TUSC3: variants seen among roughly 807,000 people sequenced by gnomAD.
The protein encoded by TUSC3 is tumor suppressor candidate 3.
In TUSC3, 45 loss-of-function variants were observed where a neutral mutation model predicts 44.8. That is an observed-to-expected ratio of 1.00 (90% CI 0.79 to 1.29). TUSC3 has a LOEUF of 1.29. Among genes scored for constraint, TUSC3 ranks in the 50% most tolerant of loss-of-function variants. The pLI, the probability that TUSC3 is intolerant of heterozygous loss-of-function variation, is 0.00. For synonymous variants in TUSC3, 212 were observed against 152.9 expected (o/e 1.39, Z -2.85); for missense variants, 519 against 437.9 (o/e 1.19, Z -1.65).
At position 15,442,690 on chromosome 8, in the gene TUSC3, C is replaced by G. The variant is rs891094297; in HGVS notation, n.91+25385C>G. Among the ~76,000 whole-genome samples, 19 of 152,260 alleles carry G rather than the reference C, an allele frequency of 1.2e-4. 1 individual carries two copies. In the East Asian group the frequency reaches 3.7e-3, roughly 30 times the overall value. On this transcript the variant is annotated intron_variant and non_coding_transcript_variant, in intron 1 of 5. Coordinates refer to the TUSC3 transcript ENST00000503191. ...TAATGACATTCATTCCTTCTAGATT[C>G]TGTCATCAGGATAGGAAGACAGAAT...
intron 1 of TUSC3, among the ~76,000 whole-genome samples, chr8:15,583,338 A>C (rs1257511707): frequency 6.6e-6 from 1 of 152,218 alleles, no homozygotes; most frequent in East Asian, 1.9e-4. Context: ...ATGCGGAACT[A>C]ATAAAACTCA....
chr8:15,471,774 C>T (rs146461751), intron 1 of TUSC3, among the ~76,000 whole-genome samples: 240 of 152,126 alleles, frequency 1.6e-3, no homozygotes, highest in African/African-American at 5.4e-3. Flanking sequence ...CTCACCAACA[C>T]GTCCAGCTAA....
chr8:15,576,467 C>T (rs193074714), intron 1 of TUSC3, among the ~76,000 whole-genome samples: 12,805 of 114,872 alleles, frequency 0.11, 727 homozygotes, highest in African/African-American at 0.17. Flanking sequence ...CCCCCTCCCC[C>T]CACCCCACCA....
chr8:15,466,600 G>A (rs1045657939), intron 1 of TUSC3, among the ~76,000 whole-genome samples: 2 of 152,080 alleles, frequency 1.3e-5, no homozygotes. Flanking sequence ...GAGACATTCA[G>A]TCTTGTCTTA....
At chr8:15,823,709 A>G in the TUSC3 span, among the ~76,000 whole-genome samples, 2 of 152,228 alleles carry the variant, frequency 1.3e-5, no homozygotes, top group Admixed American at 6.5e-5. Context: ...TGTTATTTAC[A>G]AAGGAGTTAT....
At chr8:15,664,696 G>C (rs1180433275) in intron 5 of TUSC3, among the ~76,000 whole-genome samples, 1 of 149,460 alleles carries the variant, frequency 6.7e-6, no homozygotes, top group Non-Finnish European at 1.5e-5. Flanking sequence ...ATACTTTTCT[G>C]CATCTCTTGC....
intron 1 of TUSC3, among the ~76,000 whole-genome samples, chr8:15,451,611 A>T (rs1002583834): frequency 6.6e-6 from 1 of 152,272 alleles, no homozygotes; most frequent in Admixed American, 6.5e-5. Flanking sequence ...CATCTCTTCC[A>T]TCTAGTTGTT....
chr8:15,745,763 T>C (rs1811388757), intron 8 of TUSC3, among the ~76,000 whole-genome samples: 2 of 151,920 alleles, frequency 1.3e-5, no homozygotes, highest in South Asian at 4.1e-4. Context: ...CTCTGTCTTG[T>C]TGTTTTGCGG....
intron 6 of TUSC3, among the ~76,000 whole-genome samples, chr8:15,715,585 T>G (rs1267858526): frequency 6.6e-6 from 1 of 152,146 alleles, no homozygotes; most frequent in Non-Finnish European, 1.5e-5. Flanking sequence ...ATTGTTTACT[T>G]CTGGAATTTT....
chr8:15,532,005 A>G (rs1458055047), intron 2 of TUSC3, among the ~76,000 whole-genome samples: 1 of 152,198 alleles, frequency 6.6e-6, no homozygotes, highest in Admixed American at 6.5e-5. Context: ...TCAGGGTTCA[A>G]TAATCCCTGG....
intron 1 of TUSC3, among the ~76,000 whole-genome samples, chr8:15,581,577 G>C (rs1401014803): frequency 1.3e-5 from 2 of 148,950 alleles, no homozygotes; most frequent in East Asian, 2.0e-4. Context: ...ATACCCTGCA[G>C]TGTGAGGTGT....
chr8:15,734,515 A>G (rs1039793096), intron 7 of TUSC3, among the ~76,000 whole-genome samples: 1 of 152,184 alleles, frequency 6.6e-6, no homozygotes, highest in South Asian at 2.1e-4. Flanking sequence ...ATAGGGCTTT[A>G]TATTTTTGCA....
At chr8:15,778,112 C>A in the TUSC3 span, among the ~76,000 whole-genome samples, 682 of 93,432 alleles carry the variant, frequency 7.3e-3, 4 homozygotes, top group Non-Finnish European at 9.4e-3. Context: ...AAAAAAAAAA[C>A]AAAAAACCAA....
intron 5 of TUSC3, among the ~76,000 whole-genome samples, chr8:15,669,518 TAAA>T (rs576122230): frequency 8.3e-4 from 126 of 151,824 alleles, no homozygotes; most frequent in African/African-American, 3.0e-3. Context: ...CAGTAATAAA[TAAA>T]AATGGTAATA....
At chr8:15,783,772 A>G in the TUSC3 span, among the ~76,000 whole-genome samples, 2 of 152,186 alleles carry the variant, frequency 1.3e-5, no homozygotes, top group African/African-American at 4.8e-5. Context: ...ACAAAGGAGA[A>G]AAAGCTTCAT....
chr8:15,646,403 TTAGAA>T (rs980128082), intron 2 of TUSC3, among the ~76,000 whole-genome samples: 2 of 152,074 alleles, frequency 1.3e-5, no homozygotes, highest in African/African-American at 2.4e-5. Flanking sequence ...TTTTTGGACT[TTAGAA>T]TAGAGGCTAG....
Position 15,765,132 on chromosome 8 carries a change from C to T in TUSC3, c.*976C>T, listed in dbSNP as rs1424262836. ...TTGTATCCTGTTTTAGTTTATAAAG[C>T]ACTTTCACATACATTATGGTATTTC... On this transcript the variant is annotated 3_prime_UTR_variant, in exon 11 of 11. Coordinates refer to ENST00000503731, the MANE Select transcript of TUSC3 (RefSeq NM_006765.4). The T allele has an allele frequency of 6.6e-6, 1 of 151,972 alleles. No homozygotes were observed. Among genetic ancestry groups the T allele is most frequent in the East Asian group, 1.9e-4 (1 of 5,182 alleles). 9.4% of individuals were successfully genotyped at this position (151,972 alleles called of 1,614,324 possible).
At chr8:15,734,947 T>C (rs368266907) in intron 7 of TUSC3, among the ~76,000 whole-genome samples, 21 of 152,346 alleles carry the variant, frequency 1.4e-4, no homozygotes, top group African/African-American at 4.8e-4. Flanking sequence ...ATTTGAATCT[T>C]AGCTACACGT....
chr8:15,808,270 A>G, the TUSC3 span, among the ~76,000 whole-genome samples: 1 of 152,110 alleles, frequency 6.6e-6, no homozygotes, highest in Non-Finnish European at 1.5e-5. Flanking sequence ...TGTTTCAAAT[A>G]TTGGTTATTA....
Sources: allele counts gnomAD v4.1 joint callset (sites outside exome capture counted in the v4.1 genomes callset), GRCh38; gene constraint gnomAD v4.1.1; transcripts MANE v1.5; gene names NCBI Gene and HGNC (gene_info 2026-07-23, HGNC 2026-07-21).